TNS1: variants seen among roughly 807,000 people sequenced by gnomAD.
The protein encoded by TNS1 is tensin 1.
In TNS1, 62 loss-of-function variants were observed where a neutral mutation model predicts 168.6. The observed-to-expected ratio is 0.37, with a 90% CI of 0.30 to 0.45. The LOEUF is 0.45. TNS1 is among the 20% of genes least tolerant of loss of function. The pLI is 1.00. For missense variants in TNS1, 2,240 were observed against 2,339.4 expected (o/e 0.96, Z 0.88); for synonymous variants, 934 against 933.2 (o/e 1.00, Z -0.02).
chr2:217,858,149 C>T (rs1045293476), intron 18 of TNS1, among the ~76,000 whole-genome samples: 1 of 152,182 alleles, frequency 6.6e-6, no homozygotes, highest in Admixed American at 6.5e-5. Context: ...CCTCTGCCAA[C>T]CCCATTCGCG....
chr2:218,008,132 G>C (rs1313257232), intron 1 of TNS1, among the ~76,000 whole-genome samples: 1 of 151,990 alleles, frequency 6.6e-6, no homozygotes, highest in South Asian at 2.1e-4. Flanking sequence ...TTCCCCTACC[G>C]CCCCTTCCCC....
chr2:217,917,168 C>A (rs1955104631), intron 4 of TNS1, among the ~76,000 whole-genome samples: 1 of 152,136 alleles, frequency 6.6e-6, no homozygotes, highest in Non-Finnish European at 1.5e-5. Context: ...CCACCTTCCC[C>A]CATGGCCCCC....
chr2:217,839,516 T>C (rs72947948), intron 19 of TNS1, among the ~76,000 whole-genome samples: 2,739 of 152,142 alleles, frequency 0.018, 40 homozygotes, highest in Middle Eastern at 0.076. Context: ...TCCCCTAGCA[T>C]GAGCCAGACT....
intron 3 of TNS1, among the ~76,000 whole-genome samples, chr2:217,955,967 G>T (rs1278985633): frequency 6.6e-6 from 1 of 152,112 alleles, no homozygotes; most frequent in Non-Finnish European, 1.5e-5. Flanking sequence ...TTGTTCTGGG[G>T]CCTCTGCAGC....
chr2:217,843,812 C>T (rs1946299045), intron 19 of TNS1, among the ~76,000 whole-genome samples: 2 of 152,196 alleles, frequency 1.3e-5, no homozygotes, highest in South Asian at 4.1e-4. Flanking sequence ...GCCATTCCAT[C>T]CTAAGTTCTT....
chr2:217,969,509 T>C (rs747296783), intron 3 of TNS1, among the ~76,000 whole-genome samples: 1 of 149,790 alleles, frequency 6.7e-6, no homozygotes, highest in Non-Finnish European at 1.5e-5. Flanking sequence ...AACCAGAGAA[T>C]AGAAAAAAAA....
At chr2:217,967,056 A>C (rs774539303) in intron 3 of TNS1, among the ~76,000 whole-genome samples, 4 of 152,244 alleles carry the variant, frequency 2.6e-5, no homozygotes, top group Non-Finnish European at 5.9e-5. Context: ...GCGGTGGCTC[A>C]CGCCTGTAAT....
chr2:217,899,333 A>G (rs1466428159), intron 7 of TNS1, among the ~76,000 whole-genome samples: 1 of 152,182 alleles, frequency 6.6e-6, no homozygotes, highest in Admixed American at 6.5e-5. Context: ...AAAGCTTCTC[A>G]TTGCAGCTGT....
intron 22 of TNS1, among the ~76,000 whole-genome samples, chr2:217,823,493 G>T (rs1426861036): frequency 1.3e-5 from 2 of 152,200 alleles, no homozygotes; most frequent in Non-Finnish European, 2.9e-5. Context: ...TCCAGCCTTT[G>T]CTGCATAGGG....
At position 217,848,455 on chromosome 2, in the gene TNS1, A is replaced by G; in HGVS notation, c.2062T>C (p.Ser688Pro). The change falls in exon 19 of 33, where the codon TCT (serine) becomes CCT (proline). Residue 688 changes from serine (S) to proline (P), a missense_variant. Transcript: ENST00000682258. ...MVNGGGYPYE[S>P]ASRAGPAHAG... ...TGGGCAGGCCCCGCCCGGCTGGCAG[A>G]CTCGTAGGGGTAGCCTCCTCCATTG... The G allele has an allele frequency of 1.2e-6, 2 of 1,612,462 alleles. No homozygotes were observed. The highest frequency in any genetic ancestry group is 1.7e-6 in the Non-Finnish European group (2 of 1,178,954).
Position 217,831,537 on chromosome 2 carries a change from G to T in TNS1, c.3291C>A (p.Pro1097=). 1 of 1,535,130 alleles carries T rather than the reference G, an allele frequency of 6.5e-7. No individual in the cohort carries two copies. The highest frequency in any genetic ancestry group is 8.7e-7 in the Non-Finnish European group (1 of 1,145,394). ...SSPPPSGVRS[P]PGLAKTPLSA... is the part of the protein sequence containing the mutation. ...ACAGGGGTGTCTTGGCCAGACCCGG[G>T]GGGGACCGCACTGTGCCAGGAAGAA... Residue 1097 remains proline, a synonymous_variant, in exon 22 of 33, where the codon CCC becomes CCA. Coordinates refer to ENST00000682258, the MANE Select transcript of TNS1 (RefSeq NM_001387777.1).
rs34291329 is a variant in TNS1 at position 217,818,416 on chromosome 2, G to A, written c.3916C>T (p.Pro1306Ser). 127,843 of 1,614,066 alleles carry A rather than the reference G, an allele frequency of 0.079. 5,520 individuals are homozygous for A. The highest frequency in any genetic ancestry group is 0.12 in the South Asian group (10,836 of 91,074). Residue 1306 changes from proline to serine, a missense_variant, in exon 24 of 33, where the codon CCC (proline) becomes TCC (serine). By Grantham distance (74) the Pro-to-Ser change is moderately conservative (BLOSUM62 -1). Transcript: ENST00000682258. Reference sequence around the variant, plus strand: ...GGACTGCTGGGGGCAGCCATGCTGGGATTGATGGCCCGCCAGCCGAAGCCA... The same window carrying A: ...GGACTGCTGGGGGCAGCCATGCTGGAATTGATGGCCCGCCAGCCGAAGCCA... ...SPGFGWRAIN[P>S]SMAAPSSPSL...
intron 6 of TNS1, among the ~76,000 whole-genome samples, chr2:217,904,061 T>C (rs1295546747): frequency 6.6e-6 from 1 of 152,172 alleles, no homozygotes; most frequent in Non-Finnish European, 1.5e-5. Context: ...AGGGGCCTTG[T>C]CAGGCAGCCA....
intron 3 of TNS1, among the ~76,000 whole-genome samples, chr2:217,954,373 G>A (rs942528395): frequency 6.6e-6 from 1 of 152,208 alleles, no homozygotes; most frequent in African/African-American, 2.4e-5. Context: ...AGCCAGCATG[G>A]ACCCTAATCC....
intron 6 of TNS1, chr2:217,901,750 ACT>A (rs1953010449): frequency 6.6e-6 from 1 of 152,108 alleles, no homozygotes; most frequent in Admixed American, 6.5e-5. Context: ...CAGGATTCAC[ACT>A]CCAACCTGGG....
rs941099553 is a variant in TNS1, at chr2:217,937,673, C to T, written c.187-17437G>A. Among the ~76,000 whole-genome samples, 3 of 152,250 alleles carry T rather than the reference C, an allele frequency of 2.0e-5. 1 individual carries two copies. Among genetic ancestry groups the T allele is most frequent in the South Asian group, 2.1e-4 (1 of 4,824 alleles). ...ACTGGGGGACGCCCAGCAGAGGCCCCGGGGAGATGGACTCACAGACCCCCC... is the reference window on the plus strand; with the variant it reads ...ACTGGGGGACGCCCAGCAGAGGCCCTGGGGAGATGGACTCACAGACCCCCC... On this transcript the variant is annotated intron_variant, in intron 3 of 32. Coordinates refer to ENST00000682258, the MANE Select transcript of TNS1 (RefSeq NM_001387777.1).
At chr2:217,909,635 A>AT (rs1025457703) in intron 4 of TNS1, among the ~76,000 whole-genome samples, 1 of 151,686 alleles carries the variant, frequency 6.6e-6, no homozygotes, top group Non-Finnish European at 1.5e-5. Flanking sequence ...AAGGACGTGC[A>AT]TTTCTACCAG....
chr2:217,814,623 A>G (rs1325211891), intron 25 of TNS1, among the ~76,000 whole-genome samples: 1 of 152,256 alleles, frequency 6.6e-6, no homozygotes, highest in African/African-American at 2.4e-5. Flanking sequence ...TCAGGCAGAC[A>G]GAGAGCTAAG....
At chr2:217,936,979 A>G (rs1192011058) in intron 3 of TNS1, 8 of 456,794 alleles carry the variant, frequency 1.8e-5, no homozygotes, top group African/African-American at 1.0e-4. Flanking sequence ...CCTTACCTGC[A>G]TGCCACTGGG....
Sources: allele counts gnomAD v4.1 joint callset (sites outside exome capture counted in the v4.1 genomes callset), GRCh38; gene constraint gnomAD v4.1.1; transcripts MANE v1.5; gene names NCBI Gene and HGNC (gene_info 2026-07-23, HGNC 2026-07-21).